Variants in MYO16 observed in about 807,000 individuals in gnomAD.
The protein encoded by MYO16 is unconventional myosin-XVI.
In MYO16, 94 loss-of-function variants were observed where a neutral mutation model predicts 205.3. The observed-to-expected ratio is 0.46, with a 90% confidence interval of 0.39 to 0.54. MYO16 has a LOEUF of 0.54. Ranked by LOEUF, MYO16 falls within the 20% of genes least tolerant of loss-of-function variation. MYO16 has a pLI of 0.00. For synonymous variants in MYO16, 988 were observed against 954.0 expected (o/e 1.04, Z -0.66); for missense variants, 2,315 against 2,387.5 (o/e 0.97, Z 0.63).
intron 3 of MYO16, among the ~76,000 whole-genome samples, chr13:108,719,676 C>T (rs1276722418): frequency 2.0e-5 from 3 of 152,212 alleles, no homozygotes; most frequent in Non-Finnish European, 4.4e-5. Context: ...CACTTGTTCA[C>T]TGCCTCTTGA....
At chr13:108,704,886 A>G (rs1362949056) in intron 2 of MYO16, among the ~76,000 whole-genome samples, 1 of 151,996 alleles carries the variant, frequency 6.6e-6, no homozygotes, top group Non-Finnish European at 1.5e-5. Flanking sequence ...AATAAAACCA[A>G]AACTTGGCTC....
At chr13:108,756,232 C>T (rs1170155699) in intron 4 of MYO16, among the ~76,000 whole-genome samples, 1 of 151,408 alleles carries the variant, frequency 6.6e-6, no homozygotes, top group Non-Finnish European at 1.5e-5. Context: ...GAAAAAAATG[C>T]TCTTTAAATA....
chr13:108,540,447 A>G, the MYO16 span, among the ~76,000 whole-genome samples: 1 of 152,098 alleles, frequency 6.6e-6, no homozygotes, highest in East Asian at 1.9e-4. Flanking sequence ...TTAAGATGCC[A>G]TCCAAAAGAA....
intron 28 of MYO16, among the ~76,000 whole-genome samples, chr13:109,117,982 C>T (rs1375424088): frequency 6.6e-6 from 1 of 152,114 alleles, no homozygotes; most frequent in Non-Finnish European, 1.5e-5. Context: ...TAGCCTCTTC[C>T]CTCATCTGTG....
At chr13:108,822,891 A>G (rs1876055555) in intron 8 of MYO16, among the ~76,000 whole-genome samples, 2 of 152,164 alleles carry the variant, frequency 1.3e-5, no homozygotes, top group South Asian at 4.1e-4. Flanking sequence ...TCCAGTCTAT[A>G]CTATTTTCTA....
At chr13:108,648,472 T>C (rs962097805) in intron 1 of MYO16, among the ~76,000 whole-genome samples, 1 of 152,204 alleles carries the variant, frequency 6.6e-6, no homozygotes, top group Non-Finnish European at 1.5e-5. Flanking sequence ...AAGAATTGAC[T>C]GACTGAAGGG....
the MYO16 span, among the ~76,000 whole-genome samples, chr13:108,536,025 A>ATG: frequency 4.0e-5 from 3 of 75,106 alleles, no homozygotes; most frequent in South Asian, 5.0e-4. Flanking sequence ...GTGTGTGTGC[A>ATG]TGTGTGTGTG....
chr13:108,948,805 C>T lies in MYO16; in HGVS notation c.1926-8883C>T, dbSNP rs77591243. ...CATGGCTTAATCTTACTTATGCGTTCTCAGGTGACACAAGAAACTTATTCC... is the reference window on the plus strand; with the variant it reads ...CATGGCTTAATCTTACTTATGCGTTTTCAGGTGACACAAGAAACTTATTCC... On this transcript the variant is annotated intron_variant, in intron 16 of 34. Transcript: ENST00000457511. Among the ~76,000 whole-genome samples, 1,307 of 152,324 alleles carry T rather than the reference C, an allele frequency of 8.6e-3. 18 individuals carry two copies. Among genetic ancestry groups the T allele is most frequent in the African/African-American group, 0.027 (1,133 of 41,568 alleles).
intron 3 of MYO16, among the ~76,000 whole-genome samples, chr13:108,724,761 C>T (rs1368455142): frequency 1.3e-5 from 2 of 152,108 alleles, no homozygotes; most frequent in African/African-American, 4.8e-5. Context: ...ACATTCCTTA[C>T]AATATTATGT....
intron 15 of MYO16, among the ~76,000 whole-genome samples, chr13:108,906,684 G>A (rs948628128): frequency 1.3e-5 from 2 of 152,198 alleles, no homozygotes; most frequent in African/African-American, 2.4e-5. Context: ...TTTAAATGAG[G>A]CAATGTTAGA....
chr13:109,194,749 G>A (rs1594176990), intron 34 of MYO16, among the ~76,000 whole-genome samples: 1 of 152,188 alleles, frequency 6.6e-6, no homozygotes, highest in Middle Eastern at 3.4e-3. Context: ...AAGCATATGG[G>A]CTTGATTCTT....
At chr13:108,845,626 T>G (rs374160059) in intron 10 of MYO16, among the ~76,000 whole-genome samples, 19 of 152,138 alleles carry the variant, frequency 1.2e-4, no homozygotes, top group East Asian at 9.6e-4. Flanking sequence ...TACAGTTGCA[T>G]TAGGGATGGG....
chr13:109,050,967 T>C (rs80254675), intron 24 of MYO16, among the ~76,000 whole-genome samples: 5,252 of 152,240 alleles, frequency 0.034, 129 homozygotes, highest in South Asian at 0.056. Flanking sequence ...TTCAGGAAGC[T>C]TTGATTTATC....
chr13:109,184,916 A>G (rs1879621410), intron 34 of MYO16, among the ~76,000 whole-genome samples: 1 of 152,138 alleles, frequency 6.6e-6, no homozygotes, highest in African/African-American at 2.4e-5. Context: ...CTACAGGCAC[A>G]TGCCATCATG....
chr13:108,903,859 A>C (rs1305083199), intron 15 of MYO16, among the ~76,000 whole-genome samples: 1 of 152,214 alleles, frequency 6.6e-6, no homozygotes, highest in East Asian at 1.9e-4. Flanking sequence ...ATAGTTAATC[A>C]AATTGGAGTG....
At chr13:108,974,606 A>T (rs936989021) in intron 20 of MYO16, among the ~76,000 whole-genome samples, 1 of 152,112 alleles carries the variant, frequency 6.6e-6, no homozygotes, top group African/African-American at 2.4e-5. Context: ...TTGTATAATG[A>T]TTTTGTCATT....
chr13:109,008,210 A>G (rs1885462927), intron 21 of MYO16, among the ~76,000 whole-genome samples: 1 of 152,204 alleles, frequency 6.6e-6, no homozygotes, highest in Non-Finnish European at 1.5e-5. Context: ...TTGGTAGACT[A>G]ATTGGTTGGA....
chr13:108,696,790 A>G (rs1454017971), intron 2 of MYO16, among the ~76,000 whole-genome samples: 4 of 152,194 alleles, frequency 2.6e-5, no homozygotes, highest in Non-Finnish European at 4.4e-5. Context: ...ATGGAACTGC[A>G]TAGTTGCAGG....
the MYO16 span, among the ~76,000 whole-genome samples, chr13:108,547,100 A>G: frequency 1.3e-5 from 2 of 151,894 alleles, no homozygotes; most frequent in Non-Finnish European, 2.9e-5. Context: ...GTGAAACCCC[A>G]TCTCTACTAA....
Sources: gnomAD v4.1 joint callset for allele counts (sites outside exome capture counted in the v4.1 genomes callset) on GRCh38, gnomAD v4.1.1 for gene constraint, MANE v1.5 for transcripts, NCBI Gene and HGNC (gene_info 2026-07-23, HGNC 2026-07-21) for gene names.